Variants in NCKAP5 observed in about 807,000 individuals in gnomAD.
NCKAP5 encodes the protein nck-associated protein 5.
In NCKAP5, 92 loss-of-function variants were observed where a neutral mutation model predicts 167.0. That is an observed-to-expected ratio of 0.55 (90% confidence interval 0.47 to 0.66). The LOEUF is 0.66. Ranked by LOEUF, NCKAP5 falls within the 30% of genes least tolerant of loss-of-function variation. The pLI, the probability that NCKAP5 is intolerant of heterozygous loss-of-function variation, is 0.00. For missense variants in NCKAP5, 2,378 were observed against 2,315.0 expected (o/e 1.03, Z -0.56); for synonymous variants, 891 against 877.4 (o/e 1.02, Z -0.27).
chr2:132,767,534 G>A (rs755376739), intron 16 of NCKAP5, among the ~76,000 whole-genome samples: 4 of 152,132 alleles, frequency 2.6e-5, no homozygotes, highest in East Asian at 1.9e-4. Flanking sequence ...GTGAGCCACC[G>A]CGCCTGGCCT....
At chr2:133,088,293 C>T (rs111720652) in intron 6 of NCKAP5, among the ~76,000 whole-genome samples, 1 of 152,088 alleles carries the variant, frequency 6.6e-6, no homozygotes, top group Non-Finnish European at 1.5e-5. Flanking sequence ...TTGCAGAAGC[C>T]CCTTGAATAT....
At chr2:132,738,852 A>G (rs1016665736) in intron 16 of NCKAP5, among the ~76,000 whole-genome samples, 1 of 152,038 alleles carries the variant, frequency 6.6e-6, no homozygotes, top group Admixed American at 6.6e-5. Context: ...GTGTGAACCA[A>G]TACAGTGAGA....
chr2:133,547,264 C>A (rs1368150366), intron 2 of NCKAP5, among the ~76,000 whole-genome samples: 2 of 152,130 alleles, frequency 1.3e-5, no homozygotes, highest in African/African-American at 4.8e-5. Context: ...GCACAGCAGT[C>A]TGAGATCAAA....
chr2:133,641,476 AAG>A, the NCKAP5 span, among the ~76,000 whole-genome samples: 1 of 152,264 alleles, frequency 6.6e-6, no homozygotes, highest in Non-Finnish European at 1.5e-5. Context: ...GAAGCCAGCT[AAG>A]AGCTGAAAAG....
chr2:133,195,385 G>A (rs1000844270), intron 5 of NCKAP5, among the ~76,000 whole-genome samples: 1 of 152,132 alleles, frequency 6.6e-6, no homozygotes, highest in East Asian at 1.9e-4. Flanking sequence ...ATCATTTGCA[G>A]CACAGGCTCC....
At chr2:133,572,390 AGC>A (rs1688898401), upstream of NCKAP5, among the ~76,000 whole-genome samples, 2 of 152,176 alleles carry the variant, frequency 1.3e-5, no homozygotes, top group South Asian at 4.1e-4. Context: ...CCCTCTGCTT[AGC>A]TCTTCCAAGA....
intron 3 of NCKAP5, among the ~76,000 whole-genome samples, chr2:133,470,364 C>G (rs918924302): frequency 3.3e-5 from 5 of 152,158 alleles, no homozygotes; most frequent in African/African-American, 1.2e-4. Flanking sequence ...GGCAGTCTGC[C>G]GGTTCCCAGA....
intron 3 of NCKAP5, among the ~76,000 whole-genome samples, chr2:133,356,500 A>G (rs763378964): frequency 6.6e-6 from 1 of 152,202 alleles, no homozygotes; most frequent in Non-Finnish European, 1.5e-5. Context: ...GGAGAATTCA[A>G]TGGCATGATG....
chr2:133,483,380 C>T (rs1283490187), intron 3 of NCKAP5, among the ~76,000 whole-genome samples: 1 of 152,098 alleles, frequency 6.6e-6, no homozygotes, highest in African/African-American at 2.4e-5. Flanking sequence ...AAAGTTGAGA[C>T]TCCTTGGCTC....
intron 19 of NCKAP5, among the ~76,000 whole-genome samples, chr2:132,717,008 T>G (rs1426837254): frequency 6.6e-6 from 1 of 152,180 alleles, no homozygotes; most frequent in Non-Finnish European, 1.5e-5. Flanking sequence ...AAACTCAGCA[T>G]AGTGCACACC....
At chr2:133,651,326 G>A in the NCKAP5 span, among the ~76,000 whole-genome samples, 8 of 152,256 alleles carry the variant, frequency 5.3e-5, no homozygotes, top group Admixed American at 5.2e-4. Context: ...CTAATAACCT[G>A]ACTAAAATAT....
At chr2:133,619,402 C>G in the NCKAP5 span, among the ~76,000 whole-genome samples, 952 of 151,836 alleles carry the variant, frequency 6.3e-3, 9 homozygotes, top group Middle Eastern at 0.024. Context: ...AAAACAATCA[C>G]AACTTCTGAA....
intron 12 of NCKAP5, among the ~76,000 whole-genome samples, chr2:132,794,373 C>T (rs1684401623): frequency 6.8e-6 from 1 of 146,222 alleles, no homozygotes; most frequent in Non-Finnish European, 1.5e-5. Context: ...TGGCTCACAC[C>T]TGTAATCCCA....
At chr2:132,815,089 T>C (rs1686160177) in intron 11 of NCKAP5, among the ~76,000 whole-genome samples, 1 of 152,210 alleles carries the variant, frequency 6.6e-6, no homozygotes, top group Non-Finnish European at 1.5e-5. Flanking sequence ...AATCCTAAAA[T>C]TATTCCGTCT....
In NCKAP5 at chr2:132,783,179, G is replaced by C. The variant is rs747116383; in HGVS notation, c.3632C>G (p.Pro1211Arg). 5.6e-6 allele frequency: 9 copies of C among 1,613,694 alleles called. No individual in the cohort carries two copies. The East Asian group carries it at 6.7e-5, about 12-fold the overall frequency. Residue 1211 changes from proline (P) to arginine (R), a missense_variant, in exon 14 of 20, where the codon CCG becomes CGG. This residue lies in a region of NCKAP5 where 1,325 missense variants were observed against 1,274.5 expected (regional missense o/e 1.04). Transcript: ENST00000409261. ...ITAGERNVTL[P>R]DSQAQGSLAD... ...TAAACTGCCCTGTGCTTGTGAATCCGGTAGGGTCACATTTCTTTCACCCGC... is the reference window on the plus strand; with the variant it reads ...TAAACTGCCCTGTGCTTGTGAATCCCGTAGGGTCACATTTCTTTCACCCGC...
chr2:133,318,645 C>A (rs1681791299), intron 3 of NCKAP5, among the ~76,000 whole-genome samples: 1 of 152,186 alleles, frequency 6.6e-6, no homozygotes, highest in African/African-American at 2.4e-5. Context: ...ACTCTTTGAA[C>A]CTTCTCATTG....
chr2:132,875,987 C>G (rs1487588358), intron 9 of NCKAP5, among the ~76,000 whole-genome samples: 1 of 152,128 alleles, frequency 6.6e-6, no homozygotes, highest in African/African-American at 2.4e-5. Flanking sequence ...TAAATGTGCT[C>G]TTCTATTGGA....
At chr2:133,177,774 C>A (rs2084534264) in intron 5 of NCKAP5, among the ~76,000 whole-genome samples, 2 of 152,140 alleles carry the variant, frequency 1.3e-5, no homozygotes, top group African/African-American at 4.8e-5. Flanking sequence ...TGGTAATGAG[C>A]TCCCCATCCC....
At position 133,199,329 on chromosome 2, in the gene NCKAP5, T is replaced by C. The variant is rs891066006; in HGVS notation, c.207+14387A>G. ...GCAAACCAAAGAATGGGGGAAAAATTGCAACACATATTTTGACAAGAGACT... is the reference window on the plus strand; with the variant it reads ...GCAAACCAAAGAATGGGGGAAAAATCGCAACACATATTTTGACAAGAGACT... On this transcript the variant is annotated intron_variant, in intron 5 of 19. Transcript: ENST00000409261. 5.9e-5 allele frequency among the ~76,000 whole-genome samples: 9 copies of C among 152,040 alleles called. No homozygotes were observed. In the East Asian group the frequency reaches 1.7e-3, roughly 29 times the overall value.
Sources: allele counts gnomAD v4.1 joint callset (sites outside exome capture counted in the v4.1 genomes callset), GRCh38; gene constraint gnomAD v4.1.1; regional missense constraint gnomAD v4.1.1; transcripts MANE v1.5; gene names NCBI Gene and HGNC (gene_info 2026-07-23, HGNC 2026-07-21).